SMAD3: variants seen among roughly 807,000 people sequenced by gnomAD.
SMAD3 encodes the protein MAD homolog 3.
Under a neutral mutation model 51.8 loss-of-function variants are expected in SMAD3, and 12 were observed. The ratio of observed to expected loss-of-function variants is 0.23; its 90% CI spans 0.15 to 0.38. The LOEUF (loss-of-function observed/expected upper bound fraction) is 0.38. Among genes scored for constraint, SMAD3 ranks in the 10% least tolerant of loss-of-function variants. The probability of loss-of-function intolerance (pLI) is 1.00; values close to 1 mark genes in which losing one functional copy is unlikely to be tolerated. For missense variants in SMAD3, 294 were observed against 565.6 expected (o/e 0.52, Z 4.87); for synonymous variants, 238 against 227.7 (o/e 1.05, Z -0.41).
At position 67,066,150 on chromosome 15, in the gene SMAD3, C is replaced by A. The variant is rs1292391353; in HGVS notation, c.-5C>A. 3.2e-6 allele frequency: 5 copies of A among 1,586,672 alleles called. No individual in the cohort carries two copies. The highest frequency in any genetic ancestry group is 4.3e-6 in the Non-Finnish European group (5 of 1,167,578). ...CTCCTCGCCGCCCGCGCGCCCTCCC[C>A]AGCCATGTCGTCCATCCTGCCTTTC... On this transcript the variant is annotated 5_prime_UTR_variant, in exon 1 of 9. Transcript: ENST00000327367.
intron 1 of SMAD3, among the ~76,000 whole-genome samples, chr15:67,108,933 A>G (rs149627945): frequency 7.4e-4 from 112 of 152,318 alleles, no homozygotes; most frequent in African/African-American, 2.6e-3. Flanking sequence ...ATCAAAGAAG[A>G]TATTATGTAT....
At chr15:67,144,557 A>T (rs1185190759) in intron 1 of SMAD3, among the ~76,000 whole-genome samples, 1 of 152,202 alleles carries the variant, frequency 6.6e-6, no homozygotes, top group Non-Finnish European at 1.5e-5. Context: ...ATAGTTTGCT[A>T]CCATGTTTGC....
rs1173332341 is a variant in SMAD3, at chr15:67,192,186, T to C, written c.*1650T>C. ...TCATACAGCTCAAATGTGATGAGAT[T>C]TCTGATGTTAGAGGGAGATGGAGAG... is the stretch of plus-strand genomic sequence containing the variant. On this transcript the variant is annotated 3_prime_UTR_variant, in exon 9 of 9. Transcript: ENST00000327367. 4 of 232,620 alleles carry C rather than the reference T, an allele frequency of 1.7e-5. No homozygotes were observed. The highest frequency in any genetic ancestry group is 8.8e-5 in the African/African-American group (4 of 45,254). 14.4% of individuals were successfully genotyped at this position (232,620 alleles called of 1,614,324 possible). A position where few individuals can be genotyped will look rare whatever the true frequency, so the allele number is the denominator to read the frequency against.
In SMAD3 at chr15:67,190,561, G is replaced by C. The variant is rs189249001; in HGVS notation, c.*25G>C. ...GAGACATCAAGTATGGTAGGGGAGG[G>C]CAGGCTTGGGGAAAATGGCCATGCA... On this transcript the variant is annotated 3_prime_UTR_variant, in exon 9 of 9. Coordinates refer to ENST00000327367, the MANE Select transcript of SMAD3 (RefSeq NM_005902.4). 1 of 1,612,916 alleles carries C rather than the reference G, an allele frequency of 6.2e-7. No homozygotes were observed. Among genetic ancestry groups the C allele is most frequent in the Non-Finnish European group, 8.5e-7 (1 of 1,179,266 alleles).
At chr15:67,113,967 G>T (rs534305606) in intron 1 of SMAD3, among the ~76,000 whole-genome samples, 1 of 152,280 alleles carries the variant, frequency 6.6e-6, no homozygotes, top group Non-Finnish European at 1.5e-5. Flanking sequence ...CAGCATTTCT[G>T]CCACCAGGTT....
intron 1 of SMAD3, among the ~76,000 whole-genome samples, chr15:67,071,285 A>T (rs1960047140): frequency 1.3e-5 from 2 of 152,334 alleles, no homozygotes; most frequent in Admixed American, 1.3e-4. Flanking sequence ...CCCTATAAGA[A>T]TGAGGACGTC....
chr15:67,145,772 G>T (rs189106150), intron 1 of SMAD3, among the ~76,000 whole-genome samples: 6 of 152,210 alleles, frequency 3.9e-5, no homozygotes, highest in Admixed American at 1.3e-4. Context: ...GGCCCAGGTG[G>T]TAAGGAGAGG....
chr15:67,143,727 C>G (rs1961896746), intron 1 of SMAD3, among the ~76,000 whole-genome samples: 1 of 152,226 alleles, frequency 6.6e-6, no homozygotes, highest in Non-Finnish European at 1.5e-5. Flanking sequence ...AGCCACTGTG[C>G]CCAGCCTAGG....
At position 67,112,674 on chromosome 15, in the gene SMAD3, G is replaced by A. The variant is rs578096677; in HGVS notation, c.206+46314G>A. On this transcript the variant is annotated intron_variant, in intron 1 of 8. Coordinates refer to ENST00000327367, the MANE Select transcript of SMAD3 (RefSeq NM_005902.4). ...ATGAAGCTAAATTTGTTTTACTTTC[G>A]TCACTTTTGCTTTTTGTGTTGTATC... 2.4e-3 allele frequency among the ~76,000 whole-genome samples: 322 copies of A among 133,018 alleles called. 90 individuals carry two copies. The highest frequency in any genetic ancestry group is 9.3e-3 in the African/African-American group (313 of 33,582). The allele number at this position is 133,018 out of a possible 152,430, so 87.3% of individuals were successfully genotyped here.
chr15:67,121,683 C>T (rs552851462), intron 1 of SMAD3, among the ~76,000 whole-genome samples: 1 of 152,228 alleles, frequency 6.6e-6, no homozygotes, highest in African/African-American at 2.4e-5. Flanking sequence ...ATGGTTTCTA[C>T]AGTATGCCTG....
chr15:67,138,948 G>T (rs781072225), intron 1 of SMAD3, among the ~76,000 whole-genome samples: 2 of 152,178 alleles, frequency 1.3e-5, no homozygotes, highest in South Asian at 4.1e-4. Flanking sequence ...AACTGTAGCC[G>T]ATTCCCAGCC....
chr15:67,147,230 G>A (rs761444871), intron 1 of SMAD3, among the ~76,000 whole-genome samples: 10 of 152,194 alleles, frequency 6.6e-5, no homozygotes, highest in East Asian at 1.9e-4. Flanking sequence ...CAGCCGGGCC[G>A]ACTTGAAAGA....
intron 1 of SMAD3, among the ~76,000 whole-genome samples, chr15:67,110,694 C>T (rs1289363856): frequency 6.6e-6 from 1 of 152,170 alleles, no homozygotes; most frequent in East Asian, 1.9e-4. Flanking sequence ...CAGCTATGGT[C>T]CAGTGGGCAG....
At chr15:67,187,279 G>A in intron 7 of SMAD3, 86 bp from the exon 8 acceptor site, 1 of 1,519,356 alleles carries the variant, frequency 6.6e-7, no homozygotes. Flanking sequence ...GCTGGTCTAG[G>A]GGGTCCAGGA....
chr15:67,066,574 G>A (rs1252258672), intron 1 of SMAD3, among the ~76,000 whole-genome samples: 2 of 152,230 alleles, frequency 1.3e-5, no homozygotes, highest in East Asian at 1.9e-4. Flanking sequence ...ATCAGAGCCC[G>A]AGGCTTCCAC....
intron 1 of SMAD3, among the ~76,000 whole-genome samples, chr15:67,153,486 G>A (rs922402438): frequency 7.5e-6 from 1 of 133,014 alleles, no homozygotes; most frequent in Non-Finnish European, 1.6e-5. Flanking sequence ...CTCCGTCTTG[G>A]GGGGCGGGCG....
chr15:67,189,021 A>G (rs145072610), intron 8 of SMAD3, among the ~76,000 whole-genome samples: 1 of 152,326 alleles, frequency 6.6e-6, no homozygotes, highest in Non-Finnish European at 1.5e-5. Context: ...ACTTACAACT[A>G]TGTTATGGCC....
At chr15:67,149,907 C>A (rs1962083019) in intron 1 of SMAD3, among the ~76,000 whole-genome samples, 1 of 152,216 alleles carries the variant, frequency 6.6e-6, no homozygotes, top group South Asian at 2.1e-4. Flanking sequence ...TCTTTACCTC[C>A]ATGGTCCTTA....
At chr15:67,177,571 C>T (rs1446916838) in intron 5 of SMAD3, among the ~76,000 whole-genome samples, 123 of 151,886 alleles carry the variant, frequency 8.1e-4, no homozygotes, top group Non-Finnish European at 1.6e-4. Context: ...TACAGGCACC[C>T]GTCACCACAC....
Sources: allele counts gnomAD v4.1 joint callset (sites outside exome capture counted in the v4.1 genomes callset), GRCh38; gene constraint gnomAD v4.1.1; transcripts MANE v1.5; gene names NCBI Gene and HGNC (gene_info 2026-07-23, HGNC 2026-07-21).